The following STK33 variants were observed in gnomAD, a reference collection of about 807,000 sequenced individuals.
The protein encoded by STK33 is serine/threonine-protein kinase 33.
STK33 carries 52 observed loss-of-function variants against 58.0 expected under a neutral mutation model. That is an observed-to-expected ratio of 0.90 (90% confidence interval 0.72 to 1.13). The LOEUF (loss-of-function observed/expected upper bound fraction) is 1.13, where lower values mean the gene tolerates loss of function less well. Among genes scored for constraint, STK33 ranks in the 50% most tolerant of loss-of-function variants. STK33 has a pLI of 0.00. For missense variants in STK33, 630 were observed against 604.2 expected (o/e 1.04, Z -0.45); for synonymous variants, 215 against 200.1 (o/e 1.07, Z -0.63).
chr11:8,493,050 G>C (rs181524774), intron 1 of STK33, among the ~76,000 whole-genome samples: 7 of 152,208 alleles, frequency 4.6e-5, no homozygotes, highest in African/African-American at 1.7e-4. Flanking sequence ...AGAGAAGCAA[G>C]AGCAAACAAA....
intron 1 of STK33, among the ~76,000 whole-genome samples, chr11:8,504,830 C>T (rs1418903542): frequency 1.3e-5 from 2 of 151,944 alleles, no homozygotes; most frequent in Non-Finnish European, 2.9e-5. Context: ...ATTATATAAA[C>T]TTATAATAAA....
intron 11 of STK33, among the ~76,000 whole-genome samples, chr11:8,445,600 A>C (rs901364730): frequency 6.6e-6 from 1 of 152,030 alleles, no homozygotes. Context: ...GTGGTATTGA[A>C]TTTTATCAAA....
intron 9 of STK33, among the ~76,000 whole-genome samples, chr11:8,456,567 T>G (rs755441033): frequency 6.6e-6 from 1 of 152,180 alleles, no homozygotes; most frequent in Non-Finnish European, 1.5e-5. Context: ...CACCAAACCA[T>G]GTCACTGCAC....
At chr11:8,342,250 G>A in the STK33 span, among the ~76,000 whole-genome samples, 2 of 152,232 alleles carry the variant, frequency 1.3e-5, no homozygotes, top group Non-Finnish European at 2.9e-5. Context: ...GCCTGTGGGC[G>A]TGACTTCCTC....
At position 8,533,054 on chromosome 11, in the gene STK33, T is replaced by C. The variant is rs187137571; in HGVS notation, c.-465-52440A>G. Among the ~76,000 whole-genome samples the C allele has an allele frequency of 2.3e-3, 343 of 152,388 alleles. 3 individuals are homozygous for C. The highest frequency in any genetic ancestry group is 7.8e-3 in the African/African-American group (326 of 41,598). On this transcript the variant is annotated intron_variant, in intron 1 of 15. Transcript: ENST00000687296. ...AGACTTCTGAGATTGATGTCTGCTCTTGAAAGAATATGAATAATGTTTCAA... is the reference window on the plus strand; with the variant it reads ...AGACTTCTGAGATTGATGTCTGCTCCTGAAAGAATATGAATAATGTTTCAA...
intron 15 of STK33, among the ~76,000 whole-genome samples, chr11:8,397,057 G>T (rs1003078558): frequency 1.2e-4 from 18 of 152,210 alleles, no homozygotes; most frequent in Non-Finnish European, 2.2e-4. Flanking sequence ...ACAAACAAAA[G>T]GCAGCAGAAT....
At chr11:8,419,490 T>C (rs1426548129) in intron 14 of STK33, among the ~76,000 whole-genome samples, 1 of 152,180 alleles carries the variant, frequency 6.6e-6, no homozygotes, top group Non-Finnish European at 1.5e-5. Context: ...TGTAGCCCTG[T>C]AGTATAGTTT....
At chr11:8,400,332 C>T (rs1007353433) in intron 15 of STK33, among the ~76,000 whole-genome samples, 7 of 152,064 alleles carry the variant, frequency 4.6e-5, no homozygotes, top group South Asian at 2.1e-4. Flanking sequence ...AATCAATAAA[C>T]GTAATCCAGC....
intron 1 of STK33, among the ~76,000 whole-genome samples, chr11:8,534,584 G>A (rs866612669): frequency 1.4e-4 from 21 of 151,184 alleles, no homozygotes; most frequent in Non-Finnish European, 2.5e-4. Flanking sequence ...GTGTGTGTGT[G>A]TGTGTGTGTG....
intron 1 of STK33, among the ~76,000 whole-genome samples, chr11:8,566,155 G>A (rs1957430949): frequency 6.6e-6 from 1 of 152,196 alleles, no homozygotes; most frequent in Admixed American, 6.5e-5. Flanking sequence ...TAAGACTCTA[G>A]TTAATTAATT....
intron 10 of STK33, among the ~76,000 whole-genome samples, chr11:8,454,177 T>C (rs924481059): frequency 6.6e-5 from 10 of 152,246 alleles, no homozygotes; most frequent in African/African-American, 2.4e-4. Flanking sequence ...CAACATTTTA[T>C]TTCTAAATTA....
chr11:8,527,656 T>C (rs1037833023), intron 1 of STK33, among the ~76,000 whole-genome samples: 2 of 152,152 alleles, frequency 1.3e-5, no homozygotes, highest in Non-Finnish European at 2.9e-5. Context: ...AGTAAACAGA[T>C]GGTGGCTCTT....
At chr11:8,419,333 T>C (rs1941580561) in intron 14 of STK33, among the ~76,000 whole-genome samples, 1 of 152,190 alleles carries the variant, frequency 6.6e-6, no homozygotes, top group Admixed American at 6.5e-5. Flanking sequence ...ATTTATCGAA[T>C]AGAAAGTCCT....
intron 13 of STK33, 44 bp downstream of exon 13, chr11:8,435,983 T>C: frequency 1.7e-6 from 2 of 1,187,554 alleles, no homozygotes; most frequent in Non-Finnish European, 2.3e-6. Flanking sequence ...CTTTCTTATG[T>C]TACTTATATT....
At chr11:8,365,090 A>C in the STK33 span, among the ~76,000 whole-genome samples, 5 of 152,098 alleles carry the variant, frequency 3.3e-5, no homozygotes, top group Non-Finnish European at 7.4e-5. Context: ...CTCCCAACCC[A>C]TTTTACAGAT....
rs1201169432 is a variant in STK33 at position 8,392,216 on chromosome 11, C to G, written c.*294G>C. 2 of 398,420 alleles carry G rather than the reference C, an allele frequency of 5.0e-6. No homozygotes were observed. Among genetic ancestry groups the G allele is most frequent in the African/African-American group, 2.0e-5 (1 of 49,754 alleles). The allele number at this position is 398,420 out of a possible 1,614,324, so 24.7% of individuals were successfully genotyped here. ...TAAAAATGAGCAAGTGTGCCCACAG[C>G]CTTAAATTGAAGGTATCTGCCCCCC... On this transcript the variant is annotated 3_prime_UTR_variant, in exon 16 of 16. Transcript: ENST00000687296.
intron 1 of STK33, among the ~76,000 whole-genome samples, chr11:8,485,034 T>C (rs1023741348): frequency 1.3e-5 from 2 of 152,314 alleles, no homozygotes; most frequent in South Asian, 4.1e-4. Context: ...ATTAAAAATG[T>C]CTTCTGTAAC....
intron 1 of STK33, among the ~76,000 whole-genome samples, chr11:8,569,817 CA>C (rs1957680631): frequency 6.6e-6 from 1 of 151,906 alleles, no homozygotes; most frequent in African/African-American, 2.4e-5. Flanking sequence ...ATTAGCCAGG[CA>C]TGGTGGCACA....
chr11:8,404,164 C>T (rs1938652722), intron 15 of STK33, among the ~76,000 whole-genome samples: 1 of 152,208 alleles, frequency 6.6e-6, no homozygotes, highest in East Asian at 1.9e-4. Context: ...GAAAAATTGA[C>T]TTCCAAATAT....
Sources: gnomAD v4.1 joint callset for allele counts (sites outside exome capture counted in the v4.1 genomes callset) on GRCh38, gnomAD v4.1.1 for gene constraint, MANE v1.5 for transcripts, NCBI Gene and HGNC (gene_info 2026-07-23, HGNC 2026-07-21) for gene names.